The following RANBP17 variants were observed in gnomAD, a reference collection of about 807,000 sequenced individuals.
RANBP17 encodes the protein ran-binding protein 17.
In RANBP17, 158 loss-of-function variants were observed where a neutral mutation model predicts 141.2. That is an observed-to-expected ratio of 1.12 (90% CI 0.98 to 1.28). The LOEUF (loss-of-function observed/expected upper bound fraction) is 1.28, where lower values mean the gene tolerates loss of function less well. Among genes scored for constraint, RANBP17 ranks in the 50% most tolerant of loss-of-function variants. The pLI is 0.00. For missense variants in RANBP17, 1,438 were observed against 1,290.7 expected (o/e 1.11, Z -1.75); for synonymous variants, 430 against 450.0 (o/e 0.96, Z 0.56).
chr5:170,924,658 C>T (rs764919330), intron 12 of RANBP17, 108 bp downstream of exon 12: 25 of 676,218 alleles, frequency 3.7e-5, no homozygotes, highest in Non-Finnish European at 5.4e-5. Flanking sequence ...TTCCCCAATT[C>T]CTGGTCCCCT....
chr5:171,292,382 T>C (rs1411174143), intron 25 of RANBP17, among the ~76,000 whole-genome samples: 1 of 152,262 alleles, frequency 6.6e-6, no homozygotes, highest in African/African-American at 2.4e-5. Flanking sequence ...GCATTTTATG[T>C]ACACTATCTC....
chr5:171,023,801 GTACTT>G (rs1251494026), intron 14 of RANBP17, among the ~76,000 whole-genome samples: 1 of 152,120 alleles, frequency 6.6e-6, no homozygotes, highest in African/African-American at 2.4e-5. Context: ...TGAAATTTCT[GTACTT>G]TACTTAGGAT....
chr5:171,265,037 T>A (rs1446462957), intron 24 of RANBP17, among the ~76,000 whole-genome samples: 1 of 152,202 alleles, frequency 6.6e-6, no homozygotes, highest in African/African-American at 2.4e-5. Flanking sequence ...ATGAGTTCTT[T>A]GACACCAGGA....
Position 171,215,164 on chromosome 5 carries a change from A to C in RANBP17, c.2339+1426A>C, listed in dbSNP as rs895831507. Among the ~76,000 whole-genome samples the C allele has an allele frequency of 9.4e-5, 14 of 149,278 alleles. No individual in the cohort carries two copies. The East Asian group carries it at 1.2e-3, about 13-fold the overall frequency. On this transcript the variant is annotated intron_variant, in intron 21 of 27. Coordinates refer to ENST00000523189, the MANE Select transcript of RANBP17 (RefSeq NM_022897.5). ...GTGAGAACATGTGGTGTTTGGTTTT[A>C]TGTTCCTGTGTTAGTTTGCTGAGAA...
chr5:171,151,008 A>G (rs200581351), intron 14 of RANBP17, among the ~76,000 whole-genome samples: 2 of 152,216 alleles, frequency 1.3e-5, no homozygotes, highest in East Asian at 3.8e-4. Flanking sequence ...TCTGTAAAAA[A>G]TTCCAGCAGA....
At chr5:171,162,523 G>A (rs901804343) in intron 14 of RANBP17, among the ~76,000 whole-genome samples, 6 of 152,088 alleles carry the variant, frequency 3.9e-5, no homozygotes, top group African/African-American at 1.4e-4. Context: ...GATCTGCTTG[G>A]GGGTGGGAGG....
At chr5:170,965,991 G>A (rs1356650286) in intron 13 of RANBP17, among the ~76,000 whole-genome samples, 1 of 152,188 alleles carries the variant, frequency 6.6e-6, no homozygotes, top group Non-Finnish European at 1.5e-5. Flanking sequence ...ACCTTGGGCA[G>A]TATGGCCATT....
chr5:170,906,627 C>G (rs146645063), intron 5 of RANBP17, among the ~76,000 whole-genome samples: 45 of 152,004 alleles, frequency 3.0e-4, no homozygotes, highest in African/African-American at 1.1e-3. Flanking sequence ...ATATCTTGTT[C>G]CTTATCAGAC....
chr5:170,932,238 G>T (rs1451229628), intron 12 of RANBP17, among the ~76,000 whole-genome samples: 1 of 152,178 alleles, frequency 6.6e-6, no homozygotes, highest in Non-Finnish European at 1.5e-5. Context: ...GAATGCTTGT[G>T]ATTTTTGCAC....
intron 14 of RANBP17, among the ~76,000 whole-genome samples, chr5:170,993,259 T>G (rs529055782): frequency 6.6e-6 from 1 of 152,238 alleles, no homozygotes; most frequent in South Asian, 2.1e-4. Flanking sequence ...ATACACAGTT[T>G]TTATTTAAAT....
intron 14 of RANBP17, among the ~76,000 whole-genome samples, chr5:170,972,334 A>G (rs1042314095): frequency 6.6e-6 from 1 of 151,864 alleles, no homozygotes; most frequent in African/African-American, 2.4e-5. Flanking sequence ...GGCATGCACC[A>G]CCGCGCCTGG....
chr5:171,099,306 G>C (rs952269687), intron 14 of RANBP17, among the ~76,000 whole-genome samples: 8 of 152,126 alleles, frequency 5.3e-5, no homozygotes, highest in Admixed American at 1.3e-4. Context: ...GTGGTTTGTA[G>C]TTCTCCTTGA....
chr5:171,051,188 T>G (rs1782927527), intron 14 of RANBP17, among the ~76,000 whole-genome samples: 2 of 138,422 alleles, frequency 1.4e-5, no homozygotes, highest in Admixed American at 1.5e-4. Context: ...TTCATGAGAC[T>G]GTAAGTTTAT....
intron 14 of RANBP17, among the ~76,000 whole-genome samples, chr5:171,107,698 T>C (rs1754951265): frequency 6.6e-6 from 1 of 152,226 alleles, no homozygotes; most frequent in African/African-American, 2.4e-5. Flanking sequence ...CACTTACTAT[T>C]ATTGATTTCT....
rs368811430 is a variant in RANBP17 at position 171,057,441 on chromosome 5, A to C, written c.1710+89064A>C. Reference sequence around the variant, plus strand: ...TGCATTTTGCTTTTTTCACTTAATTATATCTCCTGGAAATCATTCCATTTC... The same window carrying C: ...TGCATTTTGCTTTTTTCACTTAATTCTATCTCCTGGAAATCATTCCATTTC... On this transcript the variant is annotated intron_variant, in intron 14 of 27. Transcript: ENST00000523189. 8.5e-5 allele frequency among the ~76,000 whole-genome samples: 13 copies of C among 152,172 alleles called. No homozygotes were observed. The East Asian group carries it at 1.5e-3, about 18-fold the overall frequency.
intron 14 of RANBP17, among the ~76,000 whole-genome samples, chr5:171,006,990 G>A (rs1222868738): frequency 1.3e-5 from 2 of 152,160 alleles, no homozygotes; most frequent in Admixed American, 1.3e-4. Flanking sequence ...TTCCATTGGG[G>A]ATCTTCTCGG....
At chr5:170,985,056 C>T (rs867611794) in intron 14 of RANBP17, among the ~76,000 whole-genome samples, 1 of 148,766 alleles carries the variant, frequency 6.7e-6, no homozygotes, top group Non-Finnish European at 1.5e-5. Flanking sequence ...CACAGACACA[C>T]ACAGACACAT....
At chr5:170,877,826 G>A (rs566121834) in intron 1 of RANBP17, among the ~76,000 whole-genome samples, 10 of 152,194 alleles carry the variant, frequency 6.6e-5, no homozygotes, top group African/African-American at 2.4e-4. Flanking sequence ...ATTTCTTGAG[G>A]CCTACCTTTC....
At chr5:170,977,656 A>C (rs1777475556) in intron 14 of RANBP17, among the ~76,000 whole-genome samples, 1 of 152,146 alleles carries the variant, frequency 6.6e-6, no homozygotes, top group Non-Finnish European at 1.5e-5. Context: ...AATGTTATTC[A>C]GCCATAAAAA....
Sources: allele counts gnomAD v4.1 joint callset (sites outside exome capture counted in the v4.1 genomes callset), GRCh38; gene constraint gnomAD v4.1.1; transcripts MANE v1.5; gene names NCBI Gene and HGNC (gene_info 2026-07-23, HGNC 2026-07-21).